PACRG: variants seen among roughly 807,000 people sequenced by gnomAD.
PACRG encodes the protein parkin coregulated gene protein.
In PACRG, 29 loss-of-function variants were observed where a neutral mutation model predicts 29.7. That is an observed-to-expected ratio of 0.98 (90% CI 0.73 to 1.33). PACRG has a LOEUF of 1.33. PACRG is among the 40% of genes most tolerant of loss of function. The probability of loss-of-function intolerance (pLI) is 0.00; values close to 1 mark genes in which losing one functional copy is unlikely to be tolerated. For synonymous variants in PACRG, 116 were observed against 118.7 expected, an observed-to-expected ratio of 0.98 and a Z score of 0.15; for missense variants, 279 against 316.2, an observed-to-expected ratio of 0.88 and a Z score of 0.89.
At chr6:162,838,164 T>C (rs1789406442) in intron 2 of PACRG, among the ~76,000 whole-genome samples, 1 of 152,172 alleles carries the variant, frequency 6.6e-6, no homozygotes, top group South Asian at 2.1e-4. Flanking sequence ...TTTTCAGGTA[T>C]AGGAGTTTAT....
At chr6:163,249,268 A>T (rs1448342497) in intron 4 of PACRG, among the ~76,000 whole-genome samples, 6 of 152,218 alleles carry the variant, frequency 3.9e-5, no homozygotes, top group Non-Finnish European at 7.3e-5. Flanking sequence ...GCATTCCAAC[A>T]TTATGGAAAT....
intron 2 of PACRG, among the ~76,000 whole-genome samples, chr6:162,906,049 G>A (rs1047473352): frequency 3.9e-5 from 6 of 152,030 alleles, no homozygotes; most frequent in African/African-American, 1.4e-4. Context: ...AAAAAGGGGG[G>A]GAAAGCTGAG....
intron 2 of PACRG, among the ~76,000 whole-genome samples, chr6:162,868,600 G>A (rs1269983382): frequency 1.3e-5 from 2 of 152,084 alleles, no homozygotes; most frequent in African/African-American, 4.8e-5. Context: ...TTCCAGCCCC[G>A]CCCCATGCAG....
intron 4 of PACRG, among the ~76,000 whole-genome samples, chr6:163,281,812 G>C (rs1436550747): frequency 2.0e-5 from 3 of 152,180 alleles, no homozygotes; most frequent in South Asian, 2.1e-4. Flanking sequence ...CATAGGAAAA[G>C]GAATGAGGCC....
In PACRG at chr6:162,748,086, C is replaced by T. The variant is rs78794201; in HGVS notation, c.156+19695C>T. Among the ~76,000 whole-genome samples, 77 of 152,290 alleles carry T rather than the reference C, an allele frequency of 5.1e-4. 2 individuals are homozygous for T. The East Asian group carries it at 0.014, about 28-fold the overall frequency. ...TCTATGGTTTTTTAACCATAGATCT[C>T]ACCTCTCTAACTCTAGTCAATCACT... On this transcript the variant is annotated intron_variant, in intron 1 of 4. Coordinates refer to ENST00000366888, the MANE Select transcript of PACRG (RefSeq NM_001080379.2).
chr6:162,763,265 A>G (rs1296938651), intron 1 of PACRG, among the ~76,000 whole-genome samples: 1 of 152,180 alleles, frequency 6.6e-6, no homozygotes, highest in African/African-American at 2.4e-5. Context: ...GGATTCAGCA[A>G]TCTCCTGCAC....
chr6:163,039,597 A>G (rs1808503096), intron 2 of PACRG, among the ~76,000 whole-genome samples: 2 of 152,186 alleles, frequency 1.3e-5, no homozygotes, highest in South Asian at 4.1e-4. Flanking sequence ...ACAGATGGAG[A>G]TGAAGAATTT....
At chr6:162,754,882 A>G (rs1781783752) in intron 1 of PACRG, among the ~76,000 whole-genome samples, 1 of 152,152 alleles carries the variant, frequency 6.6e-6, no homozygotes, top group Admixed American at 6.5e-5. Flanking sequence ...ATTGTTTTGT[A>G]GAATTCCACA....
intron 2 of PACRG, among the ~76,000 whole-genome samples, chr6:163,014,858 T>C (rs991942290): frequency 1.3e-5 from 2 of 152,122 alleles, no homozygotes; most frequent in East Asian, 3.8e-4. Flanking sequence ...TTTAATTAGA[T>C]CCATTTGTCA....
intron 2 of PACRG, among the ~76,000 whole-genome samples, chr6:162,852,203 A>G (rs375127803): frequency 6.6e-6 from 1 of 152,188 alleles, no homozygotes; most frequent in East Asian, 1.9e-4. Context: ...AGGGGCTACA[A>G]TTCAATCCAG....
chr6:163,197,926 G>A (rs950809079), intron 4 of PACRG, among the ~76,000 whole-genome samples: 5 of 152,164 alleles, frequency 3.3e-5, no homozygotes, highest in African/African-American at 9.7e-5. Context: ...AAAACAAAAA[G>A]TACAAAAATT....
chr6:163,290,325 G>GAA (rs2128186813), intron 4 of PACRG, among the ~76,000 whole-genome samples: 1 of 125,138 alleles, frequency 8.0e-6, no homozygotes, highest in African/African-American at 2.9e-5. Context: ...CACACACACA[G>GAA]CAATCACTGA....
At chr6:163,264,765 G>A (rs971676302) in intron 4 of PACRG, among the ~76,000 whole-genome samples, 1 of 152,180 alleles carries the variant, frequency 6.6e-6, no homozygotes. Context: ...CGGAGGAGTT[G>A]CTGCCAACTT....
intron 2 of PACRG, among the ~76,000 whole-genome samples, chr6:162,936,666 A>G (rs1439548078): frequency 6.6e-6 from 1 of 152,142 alleles, no homozygotes; most frequent in Admixed American, 6.6e-5. Flanking sequence ...ATTACTTAAT[A>G]TTATATATTG....
At chr6:162,827,213 A>T (rs1330429287) in intron 2 of PACRG, among the ~76,000 whole-genome samples, 1 of 152,204 alleles carries the variant, frequency 6.6e-6, no homozygotes, top group Non-Finnish European at 1.5e-5. Flanking sequence ...TACAAAAGTT[A>T]AGATTTTTAT....
At chr6:162,769,457 G>T (rs905120369) in intron 1 of PACRG, among the ~76,000 whole-genome samples, 1 of 152,020 alleles carries the variant, frequency 6.6e-6, no homozygotes, top group Non-Finnish European at 1.5e-5. Context: ...AAGCTCATAC[G>T]TGTTGTAGCA....
At chr6:162,746,405 G>A (rs909384411) in intron 1 of PACRG, among the ~76,000 whole-genome samples, 27 of 152,146 alleles carry the variant, frequency 1.8e-4, no homozygotes, top group Non-Finnish European at 4.0e-4. Context: ...ATATGATGTA[G>A]TGATTATAGA....
intron 4 of PACRG, among the ~76,000 whole-genome samples, chr6:163,306,458 A>G (rs1378686902): frequency 6.6e-6 from 1 of 152,226 alleles, no homozygotes; most frequent in Non-Finnish European, 1.5e-5. Context: ...CAAAACAGTA[A>G]TTAATCAGAG....
At chr6:162,753,731 A>T (rs1270193993) in intron 1 of PACRG, among the ~76,000 whole-genome samples, 1 of 149,726 alleles carries the variant, frequency 6.7e-6, no homozygotes, top group Non-Finnish European at 1.5e-5. Context: ...AGCTTTTTTC[A>T]CTCTCTCTCT....
Sources: allele counts gnomAD v4.1 joint callset (sites outside exome capture counted in the v4.1 genomes callset), GRCh38; gene constraint gnomAD v4.1.1; transcripts MANE v1.5; gene names NCBI Gene and HGNC (gene_info 2026-07-23, HGNC 2026-07-21).